The following ROCK1 variants were observed in gnomAD, a reference collection of about 807,000 sequenced individuals.
ROCK1 encodes rho-associated protein kinase 1.
Under a neutral mutation model 196.8 loss-of-function variants are expected in ROCK1, and 36 were observed. The observed-to-expected ratio is 0.18, with a 90% CI of 0.14 to 0.24. The LOEUF is 0.24. ROCK1 is among the 10% of genes least tolerant of loss of function. ROCK1 has a pLI of 1.00. For synonymous variants in ROCK1, 443 were observed against 515.9 expected, an observed-to-expected ratio of 0.86 and a Z score of 1.91; for missense variants, 920 against 1,562.0, an observed-to-expected ratio of 0.59 and a Z score of 6.93.
Position 20,970,376 on chromosome 18 carries a change from A to ATC in ROCK1, c.2790_2791dup (p.Ile931ArgfsTer19). ...ACTAACAGTGTGATCTTTATCTGTA[A>ATC]TCTCTTGTCTATTTCTTGAAGCAGC... On this transcript the variant is annotated frameshift_variant, in exon 23 of 33. Coordinates refer to ENST00000399799, the MANE Select transcript of ROCK1 (RefSeq NM_005406.3). LOFTEE classifies it high-confidence loss of function. The ATC allele has an allele frequency of 6.2e-7, 1 of 1,613,818 alleles. No individual in the cohort carries two copies. The highest frequency in any genetic ancestry group is 8.5e-7 in the Non-Finnish European group (1 of 1,179,822).
At chr18:21,033,787 G>A (rs1265753142) in intron 9 of ROCK1, among the ~76,000 whole-genome samples, 1 of 147,628 alleles carries the variant, frequency 6.8e-6, no homozygotes, top group African/African-American at 2.5e-5. Context: ...GGGAGGCGGA[G>A]GTGGGCAGAT....
intron 2 of ROCK1, among the ~76,000 whole-genome samples, chr18:21,060,436 A>G (rs2036278725): frequency 6.6e-6 from 1 of 152,238 alleles, no homozygotes; most frequent in Admixed American, 6.5e-5. Context: ...AAAATGGTAT[A>G]GCCACTTTGG....
chr18:20,953,960 A>C (rs1487835458), intron 31 of ROCK1, among the ~76,000 whole-genome samples, 175 bp from the exon 32 acceptor site: 4 of 152,092 alleles, frequency 2.6e-5, no homozygotes, highest in Admixed American at 6.6e-5. Flanking sequence ...TTAAAAAAAA[A>C]AATTAGTCAA....
At chr18:21,078,383 G>C (rs1170878871) in intron 1 of ROCK1, among the ~76,000 whole-genome samples, 4 of 149,164 alleles carry the variant, frequency 2.7e-5, no homozygotes, top group African/African-American at 4.9e-5. Flanking sequence ...CAGAGAGAGA[G>C]AGAGAGAGAG....
At chr18:21,089,107 G>A (rs969446377) in intron 1 of ROCK1, among the ~76,000 whole-genome samples, 3 of 151,752 alleles carry the variant, frequency 2.0e-5, no homozygotes, top group Admixed American at 6.6e-5. Flanking sequence ...GTGCAGCGGC[G>A]CAATCTCAGC....
chr18:21,035,703 T>C (rs1163605074), intron 9 of ROCK1, among the ~76,000 whole-genome samples: 1 of 152,176 alleles, frequency 6.6e-6, no homozygotes, highest in Non-Finnish European at 1.5e-5. Context: ...TAAGTGTCTA[T>C]TAACGGATAA....
chr18:20,998,199 C>A (rs1453810747), intron 16 of ROCK1, among the ~76,000 whole-genome samples: 1 of 151,998 alleles, frequency 6.6e-6, no homozygotes. Flanking sequence ...TCCTGAATGA[C>A]CAGCGGATTG....
chr18:20,972,539 G>GC (rs1476289492), intron 22 of ROCK1, among the ~76,000 whole-genome samples: 1 of 152,196 alleles, frequency 6.6e-6, no homozygotes, highest in Non-Finnish European at 1.5e-5. Context: ...AACGGTCTCA[G>GC]CAATTAGAAT....
chr18:21,046,301 T>TGTA (rs2036158280), intron 4 of ROCK1, among the ~76,000 whole-genome samples: 2 of 152,198 alleles, frequency 1.3e-5, no homozygotes, highest in African/African-American at 4.8e-5. Context: ...CTGTAAGGAC[T>TGTA]ATACTTCGTT....
At chr18:21,073,709 C>G (rs2036406739) in intron 1 of ROCK1, among the ~76,000 whole-genome samples, 1 of 152,140 alleles carries the variant, frequency 6.6e-6, no homozygotes, top group African/African-American at 2.4e-5. Flanking sequence ...CCATTGAAAA[C>G]TATGGCAGCA....
chr18:21,088,527 G>T (rs1423677051), intron 1 of ROCK1, among the ~76,000 whole-genome samples: 1 of 152,018 alleles, frequency 6.6e-6, no homozygotes. Flanking sequence ...AAAAGAAAAA[G>T]AATAATAATT....
At chr18:21,069,944 C>A (rs2143550077) in intron 2 of ROCK1, among the ~76,000 whole-genome samples, 1 of 151,670 alleles carries the variant, frequency 6.6e-6, no homozygotes, top group African/African-American at 2.4e-5. Flanking sequence ...TTTAAAAAAT[C>A]AAAAAGATAT....
chr18:20,951,594 C>A (rs879743174), intron 32 of ROCK1, among the ~76,000 whole-genome samples: 2 of 152,166 alleles, frequency 1.3e-5, no homozygotes, highest in Non-Finnish European at 2.9e-5. Context: ...CAGCTATAAT[C>A]TCATTTCAAA....
chr18:21,095,235 C>T (rs998209141), intron 1 of ROCK1, among the ~76,000 whole-genome samples: 1 of 150,978 alleles, frequency 6.6e-6, no homozygotes, highest in African/African-American at 2.4e-5. Context: ...TGTGGAGAAA[C>T]GGGAACTCTC....
intron 1 of ROCK1, among the ~76,000 whole-genome samples, chr18:21,092,593 A>C (rs990333637): frequency 2.6e-5 from 4 of 151,668 alleles, no homozygotes; most frequent in South Asian, 2.1e-4. Context: ...AAAAAAAAAA[A>C]AAAAAAAAAA....
At chr18:20,996,673 T>A (rs781563844) in intron 16 of ROCK1, among the ~76,000 whole-genome samples, 8 of 152,164 alleles carry the variant, frequency 5.3e-5, no homozygotes, top group Non-Finnish European at 1.2e-4. Context: ...TTGCAGTGTA[T>A]AAATTATTCA....
At chr18:21,018,523 T>A (rs1213190706) in intron 12 of ROCK1, among the ~76,000 whole-genome samples, 1 of 148,554 alleles carries the variant, frequency 6.7e-6, no homozygotes, top group African/African-American at 2.5e-5. Flanking sequence ...AGAGTGAGAT[T>A]TCGTCTCAAA....
At chr18:20,985,879 G>C (rs2035574038) in intron 19 of ROCK1, among the ~76,000 whole-genome samples, 2 of 152,152 alleles carry the variant, frequency 1.3e-5, no homozygotes, top group South Asian at 4.1e-4. Flanking sequence ...ATTTTTTAGA[G>C]ATAGGGTCTC....
intron 7 of ROCK1, 129 bp downstream of exon 7, chr18:21,042,436 T>C (rs780955494): frequency 4.7e-5 from 53 of 1,137,386 alleles, no homozygotes; most frequent in Non-Finnish European, 6.1e-5. Context: ...CGAAGCAGGT[T>C]TGGATCATGT....
Sources: gnomAD v4.1 joint callset for allele counts (sites outside exome capture counted in the v4.1 genomes callset) on GRCh38, gnomAD v4.1.1 for gene constraint, MANE v1.5 for transcripts, NCBI Gene and HGNC (gene_info 2026-07-23, HGNC 2026-07-21) for gene names.